RPS6KA2: variants seen among roughly 807,000 people sequenced by gnomAD.
RPS6KA2 encodes the protein ribosomal protein S6 kinase alpha-2.
Under a neutral mutation model 91.8 loss-of-function variants are expected in RPS6KA2, and 42 were observed. The ratio of observed to expected loss-of-function variants is 0.46; its 90% confidence interval spans 0.36 to 0.59. RPS6KA2 has a LOEUF of 0.59. Ranked by LOEUF, RPS6KA2 falls within the 20% of genes least tolerant of loss-of-function variation. The pLI is 0.00. For synonymous variants in RPS6KA2, 414 were observed against 393.6 expected (o/e 1.05, Z -0.61); for missense variants, 798 against 978.5 (o/e 0.82, Z 2.46).
At chr6:166,472,669 G>A (rs548674094) in intron 10 of RPS6KA2, among the ~76,000 whole-genome samples, 1 of 152,244 alleles carries the variant, frequency 6.6e-6, no homozygotes, top group Non-Finnish European at 1.5e-5. Context: ...CTTTGCACTC[G>A]GCTCCCCCTT....
chr6:166,493,886 C>A lies in RPS6KA2; in HGVS notation c.748-3145G>T, dbSNP rs1425826723. Among the ~76,000 whole-genome samples the A allele has an allele frequency of 6.6e-6, 1 of 152,150 alleles. No homozygotes were observed. The highest frequency in any genetic ancestry group is 1.5e-5 in the Non-Finnish European group (1 of 68,030). ...GACCTCAACAGTGCTGGCTGAGAAGCCCTGTCTAAAGGGACAGCTAAGGAA... is the reference window on the plus strand; with the variant it reads ...GACCTCAACAGTGCTGGCTGAGAAGACCTGTCTAAAGGGACAGCTAAGGAA... On this transcript the variant is annotated intron_variant, in intron 8 of 20. Transcript: ENST00000265678. This position sits in a 1 kb window ranked among gnomAD's most constrained non-coding sequence, Gnocchi z 4.7.
chr6:166,465,889 C>T (rs1450657418), intron 11 of RPS6KA2, among the ~76,000 whole-genome samples: 2 of 152,180 alleles, frequency 1.3e-5, no homozygotes, highest in Non-Finnish European at 2.9e-5. Flanking sequence ...TTATCAAATG[C>T]ATGAATTAAT....
At chr6:166,777,174 C>T (rs1297000676) in intron 2 of RPS6KA2, among the ~76,000 whole-genome samples, 2 of 152,164 alleles carry the variant, frequency 1.3e-5, no homozygotes, top group East Asian at 1.9e-4. Context: ...ACGAAAGCCC[C>T]GACCAGCTGA....
At chr6:166,858,350 C>T in intron 1 of RPS6KA2, 1 of 694,042 alleles carries the variant, frequency 1.4e-6, no homozygotes, top group Non-Finnish European at 2.6e-6. Context: ...AAAGTACTAA[C>T]TAAATATCCC....
chr6:166,831,887 A>G (rs1013680635), intron 2 of RPS6KA2, among the ~76,000 whole-genome samples: 1 of 118,318 alleles, frequency 8.5e-6, no homozygotes, highest in Admixed American at 8.7e-5. Context: ...GACAGATGAT[A>G]GATGGATAGA....
intron 2 of RPS6KA2, among the ~76,000 whole-genome samples, chr6:166,681,176 A>G (rs1217489153): frequency 6.6e-6 from 1 of 152,246 alleles, no homozygotes; most frequent in African/African-American, 2.4e-5. Context: ...CGTTTAGAAA[A>G]TGCAAGGAAG....
chr6:166,646,334 C>T (rs1204201364), intron 2 of RPS6KA2, among the ~76,000 whole-genome samples: 3 of 152,200 alleles, frequency 2.0e-5, no homozygotes, highest in South Asian at 2.1e-4. Context: ...TGGACCCACA[C>T]GCCCACACGG....
At chr6:166,643,331 A>C (rs1451548946) in intron 2 of RPS6KA2, among the ~76,000 whole-genome samples, 1 of 152,264 alleles carries the variant, frequency 6.6e-6, no homozygotes, top group Non-Finnish European at 1.5e-5. Flanking sequence ...AAATTTAGTT[A>C]TAGAAAAACA....
At position 166,639,269 on chromosome 6, in the gene RPS6KA2, C is replaced by T. The variant is rs1211806203; in HGVS notation, c.124-100485G>A. 6.6e-6 allele frequency among the ~76,000 whole-genome samples: 1 copy of T among 152,200 alleles called. No homozygotes were observed. Among genetic ancestry groups the T allele is most frequent in the African/African-American group, 2.4e-5 (1 of 41,512 alleles). Reference sequence around the variant, plus strand: ...TGCCCAAACCAGAAGGTAAGACTTACCGTGACCTCCTGACACGTCCTTATT... The same window carrying T: ...TGCCCAAACCAGAAGGTAAGACTTATCGTGACCTCCTGACACGTCCTTATT... On this transcript the variant is annotated intron_variant, in intron 2 of 21. Coordinates refer to the RPS6KA2 transcript ENST00000503859. The surrounding 1 kb of genome is among the most constrained non-coding windows in gnomAD (Gnocchi z 4.2).
At chr6:166,586,037 TA>T in intron 1 of RPS6KA2, 1 of 670,984 alleles carries the variant, frequency 1.5e-6, no homozygotes, top group Non-Finnish European at 2.2e-6. Context: ...AAATCAGATG[TA>T]AAACTATGAC....
At chr6:166,832,507 G>A (rs1200287301) in intron 2 of RPS6KA2, among the ~76,000 whole-genome samples, 3 of 152,146 alleles carry the variant, frequency 2.0e-5, no homozygotes, top group Non-Finnish European at 4.4e-5. Context: ...ACACTTTTAA[G>A]TATAATAGCC....
At chr6:166,702,562 TGTAA>T in intron 2 of RPS6KA2, 1 of 1,428,868 alleles carries the variant, frequency 7.0e-7, no homozygotes, top group Non-Finnish European at 9.9e-7. Flanking sequence ...CACCTCCCAC[TGTAA>T]GTGAGGAGGG....
At chr6:166,799,210 A>T (rs150147600) in intron 2 of RPS6KA2, among the ~76,000 whole-genome samples, 22 of 152,356 alleles carry the variant, frequency 1.4e-4, no homozygotes, top group Admixed American at 1.1e-3. Context: ...GAGCACCCCA[A>T]GGGTCTGTGA....
chr6:166,444,198 TTC>T (rs1446451130), intron 14 of RPS6KA2, among the ~76,000 whole-genome samples: 1 of 152,254 alleles, frequency 6.6e-6, no homozygotes, highest in Non-Finnish European at 1.5e-5. Flanking sequence ...ATATTATTTT[TTC>T]TTTCAAATAC....
intron 1 of RPS6KA2, among the ~76,000 whole-genome samples, chr6:166,550,342 A>C (rs1783958944): frequency 6.6e-6 from 1 of 152,236 alleles, no homozygotes; most frequent in South Asian, 2.1e-4. Context: ...TTTCAAAAGC[A>C]AATAAGATCA....
chr6:166,446,490 T>G (rs1053494410), intron 14 of RPS6KA2, among the ~76,000 whole-genome samples: 1 of 152,238 alleles, frequency 6.6e-6, no homozygotes, highest in Non-Finnish European at 1.5e-5. Flanking sequence ...GACCGGGCTC[T>G]TTCTTCTACC....
intron 2 of RPS6KA2, among the ~76,000 whole-genome samples, chr6:166,803,277 A>T (rs1314958795): frequency 6.6e-6 from 1 of 152,234 alleles, no homozygotes; most frequent in East Asian, 1.9e-4. Flanking sequence ...CAGGTTTGTA[A>T]TTGCATCAAA....
In RPS6KA2 at chr6:166,849,980, G is replaced by T. The variant is rs1003210352; in HGVS notation, c.123+8220C>A. Among the ~76,000 whole-genome samples the T allele has an allele frequency of 3.3e-5, 5 of 152,118 alleles. No individual in the cohort carries two copies. Among genetic ancestry groups the T allele is most frequent in the Non-Finnish European group, 7.4e-5 (5 of 68,002 alleles). On this transcript the variant is annotated intron_variant, in intron 2 of 21. Coordinates refer to the RPS6KA2 transcript ENST00000503859. This position sits in a 1 kb window ranked among gnomAD's most constrained non-coding sequence, Gnocchi z 4.9. ...GGGTTCAGGAACGAGGGGCACTCAC[G>T]CATGGCTCTGCTATGCCCACGGGGC... is the stretch of plus-strand genomic sequence containing the variant.
intron 2 of RPS6KA2, among the ~76,000 whole-genome samples, chr6:166,747,365 T>C (rs1791052775): frequency 6.6e-6 from 1 of 152,244 alleles, no homozygotes; most frequent in Non-Finnish European, 1.5e-5. Flanking sequence ...TCGCAGATAC[T>C]GCCTGCCTCA....
Sources: allele counts gnomAD v4.1 joint callset (sites outside exome capture counted in the v4.1 genomes callset), GRCh38; gene constraint gnomAD v4.1.1; non-coding constraint Gnocchi (gnomAD v3.1); transcripts MANE v1.5; gene names NCBI Gene and HGNC (gene_info 2026-07-23, HGNC 2026-07-21).